SERINC4: variants seen among roughly 807,000 people sequenced by gnomAD.
SERINC4 encodes serine incorporator 4.
Under a neutral mutation model 52.0 loss-of-function variants are expected in SERINC4, and 52 were observed. The ratio of observed to expected loss-of-function variants is 1.00; its 90% CI spans 0.80 to 1.26. The LOEUF is 1.26. Among genes scored for constraint, SERINC4 ranks in the 50% most tolerant of loss-of-function variants. The pLI is 0.00. For synonymous variants in SERINC4, 264 were observed against 247.7 expected (o/e 1.07, Z -0.62); for missense variants, 723 against 632.8 (o/e 1.14, Z -1.53).
rs768555344 is a variant in SERINC4, at chr15:43,795,214, C to T, written c.1344-1G>A. The T allele has an allele frequency of 7.4e-6, 12 of 1,613,880 alleles. No homozygotes were observed. The highest frequency in any genetic ancestry group is 2.2e-5 in the East Asian group (1 of 44,900). ...CTTTTCCAGTTCTGCTCCCTCATAG[C>T]TGTGTAACCAAAGGCTCTGGTTAGA... is the stretch of plus-strand genomic sequence containing the variant. On this transcript the variant is annotated splice_acceptor_variant, in intron 11 of 11. Transcript: ENST00000319327. LOFTEE classifies it high-confidence loss of function.
rs1428908502 is a variant in SERINC4 at position 43,794,244 on chromosome 15, A to AAG, written c.*754_*755dup. On this transcript the variant is annotated 3_prime_UTR_variant, in exon 12 of 12. Transcript: ENST00000319327. ...CGGATATGCAGTAGAGGAATCCTCT[A>AAG]AGAACCATAGAGACTTCTTTTCTGT... is the stretch of plus-strand genomic sequence containing the variant. The AAG allele has an allele frequency of 2.4e-6, 1 of 420,084 alleles. No individual in the cohort carries two copies. Among genetic ancestry groups the AAG allele is most frequent in the African/African-American group, 2.0e-5 (1 of 49,584 alleles). 26.0% of individuals were successfully genotyped at this position (420,084 alleles called of 1,614,324 possible).
intron 6 of SERINC4, 92 bp downstream of exon 6, chr15:43,797,053 C>A (rs752807081): frequency 6.9e-7 from 1 of 1,457,940 alleles, no homozygotes; most frequent in African/African-American, 1.4e-5. Flanking sequence ...AGCAGAGATT[C>A]TTTTATCAAA....
At chr15:43,799,271 A>T in intron 2 of SERINC4, 39 bp downstream of exon 2, 1 of 1,536,776 alleles carries the variant, frequency 6.5e-7, no homozygotes. Context: ...TTTTCCTTTT[A>T]TCTCTTCCCA....
chr15:43,798,440 C>T lies in SERINC4; in HGVS notation c.523G>A (p.Glu175Lys). The T allele has an allele frequency of 1.9e-6, 3 of 1,612,962 alleles. No individual in the cohort carries two copies. The highest frequency in any genetic ancestry group is 2.5e-6 in the Non-Finnish European group (3 of 1,179,030). ...LCAIAFCIPD[E>K]HLFPAWHYIG... is the part of the protein sequence containing the mutation. ...GGGAGAGTACCTGGGAAGAGATGCTCATCAGGAATGCAGAAGGCAATAGCA... is the reference window on the plus strand; with the variant it reads ...GGGAGAGTACCTGGGAAGAGATGCTTATCAGGAATGCAGAAGGCAATAGCA... Residue 175 changes from glutamate to lysine, a missense_variant, in exon 4 of 12, where the codon GAG (glutamate) becomes AAG (lysine). Physicochemically the swap from Glu to Lys is moderately conservative, Grantham distance 56. Transcript: ENST00000319327.
intron 8 of SERINC4, 63 bp downstream of exon 8, chr15:43,796,553 G>C: frequency 6.4e-7 from 1 of 1,569,630 alleles, no homozygotes; most frequent in Non-Finnish European, 8.7e-7. Flanking sequence ...ACATTGTCCT[G>C]ACCATCCTTC....
At position 43,795,726 on chromosome 15, in the gene SERINC4, A is replaced by G. The variant is rs758439676; in HGVS notation, c.1151T>C (p.Leu384Pro). The change falls in exon 10 of 12, where the codon CTG (leucine) becomes CCG (proline). Residue 384 changes from leucine (L) to proline (P), a missense_variant. By Grantham distance (98) the Leu-to-Pro change is moderately conservative (BLOSUM62 -3). Transcript: ENST00000319327. ...CACTGTTTCAGGGCAGCAGAAACAC[A>G]GTGAGGGCTTCTGCAAAACAGAACG... ...VYSYEFQKPS[L>P]CFCCPETVEA... 1 of 1,613,958 alleles carries G rather than the reference A, an allele frequency of 6.2e-7. No individual in the cohort carries two copies. The highest frequency in any genetic ancestry group is 1.1e-5 in the South Asian group (1 of 91,060).
chr15:43,799,938 C>T lies in SERINC4; in HGVS notation c.49G>A (p.Ala17Thr). 6.5e-7 allele frequency: 1 copy of T among 1,549,540 alleles called. No homozygotes were observed. The highest frequency in any genetic ancestry group is 1.2e-5 in the South Asian group (1 of 83,906). Residue 17 changes from alanine (A) to threonine (T), a missense_variant, in exon 1 of 12, where the codon GCA becomes ACA. Physicochemically the swap from Ala to Thr is moderately conservative, Grantham distance 58. Transcript: ENST00000319327. Reference protein sequence around the residue: ...GPSPGTSLGLAQQHSGGSSVL... With the variant: ...GPSPGTSLGLTQQHSGGSSVL... The stretch of plus-strand genomic sequence containing the variant: ...CTGCTGCCTCCGCTGTGCTGCTGTG[C>T]CAGGCCCAGGGAGGTGCCGGGGCTG...
Position 43,796,956 on chromosome 15 carries a change from A to G in SERINC4, c.845-16T>C. 6.2e-7 allele frequency: 1 copy of G among 1,602,952 alleles called. No homozygotes were observed. The highest frequency in any genetic ancestry group is 8.5e-7 in the Non-Finnish European group (1 of 1,170,084). Reference sequence around the variant, plus strand: ...CGGGGTTGCTCTGGGGAGTAAGTATAATTGCTTTAGTCTACAGGCTGGTAA... The same window carrying G: ...CGGGGTTGCTCTGGGGAGTAAGTATGATTGCTTTAGTCTACAGGCTGGTAA... On this transcript the variant is annotated splice_polypyrimidine_tract_variant and intron_variant, in intron 6 of 11. Transcript: ENST00000319327.
chr15:43,794,869 A>G lies in SERINC4; in HGVS notation c.*131T>C, dbSNP rs537519374. 36 of 706,084 alleles carry G rather than the reference A, an allele frequency of 5.1e-5. No homozygotes were observed. The East Asian group carries it at 7.9e-4, about 16-fold the overall frequency. 43.7% of individuals were successfully genotyped at this position (706,084 alleles called of 1,614,324 possible). Reference sequence around the variant, plus strand: ...TGTGTTTGACCACTTCTTCCAGTTCATAGTATTGACTTCAGCCCAAACGGA... The same window carrying G: ...TGTGTTTGACCACTTCTTCCAGTTCGTAGTATTGACTTCAGCCCAAACGGA... On this transcript the variant is annotated 3_prime_UTR_variant, in exon 12 of 12. Transcript: ENST00000319327.
In SERINC4 at chr15:43,794,941, TCC is replaced by T; in HGVS notation, c.*57_*58del. ...GAGGTATTGAGCTGGGCTGGACAGC[TCC>T]CCTTGAGCCAACTCTAGGAGTACAA... is the stretch of plus-strand genomic sequence containing the variant. On this transcript the variant is annotated 3_prime_UTR_variant, in exon 12 of 12. Transcript: ENST00000319327. 1 of 1,384,102 alleles carries T rather than the reference TCC, an allele frequency of 7.2e-7. No homozygotes were observed. The highest frequency in any genetic ancestry group is 1.0e-6 in the Non-Finnish European group (1 of 1,001,562). The allele number at this position is 1,384,102 out of a possible 1,614,324, so 85.7% of individuals were successfully genotyped here.
In SERINC4 at chr15:43,798,366, C is replaced by G. The variant is rs1015909347; in HGVS notation, c.538+59G>C. On this transcript the variant is annotated intron_variant, in intron 4 of 11. Coordinates refer to ENST00000319327, the MANE Select transcript of SERINC4 (RefSeq NM_001258031.2). ...ACCCGGCCATTACTCCTCTTCTTACCCACTTGTTATCTTAGAAAACTTAGC... is the reference window on the plus strand; with the variant it reads ...ACCCGGCCATTACTCCTCTTCTTACGCACTTGTTATCTTAGAAAACTTAGC... 3 of 1,302,852 alleles carry G rather than the reference C, an allele frequency of 2.3e-6. No homozygotes were observed. The African/African-American group carries it at 4.4e-5, about 19-fold the overall frequency. 80.7% of individuals were successfully genotyped at this position (1,302,852 alleles called of 1,614,324 possible). A position where few individuals can be genotyped will look rare whatever the true frequency, so the allele number is the denominator to read the frequency against.
intron 2 of SERINC4, 81 bp from the exon 3 acceptor site, chr15:43,799,218 A>G: frequency 1.3e-6 from 2 of 1,506,838 alleles, no homozygotes; most frequent in Non-Finnish European, 9.0e-7. Context: ...ATGACCACTC[A>G]TTTGTCTCCT....
chr15:43,796,091 G>A, intron 9 of SERINC4, 64 bp downstream of exon 9: 1 of 1,183,402 alleles, frequency 8.5e-7, no homozygotes, highest in South Asian at 1.2e-5. Flanking sequence ...AGGTTGGTAG[G>A]ATGTGTGTGT....
intron 5 of SERINC4, 137 bp downstream of exon 5, chr15:43,797,783 C>T: frequency 3.1e-6 from 2 of 647,486 alleles, no homozygotes; most frequent in South Asian, 3.8e-5. Flanking sequence ...GCAGTCATCA[C>T]ATTCCTAAGC....
chr15:43,799,345 T>A lies in SERINC4; in HGVS notation c.244A>T (p.Thr82Ser), dbSNP rs1391451666. 1.9e-6 allele frequency: 3 copies of A among 1,550,984 alleles called. No individual in the cohort carries two copies. Among genetic ancestry groups the A allele is most frequent in the Admixed American group, 3.9e-5 (2 of 50,974 alleles). ...SAICCLLLSR[T>S]VVERVWGKTH... ...TTGCCCCACACCCTTTCCACTACTGTCCTTGACAGCAGGAGGCAGCAGATT... is the reference window on the plus strand; with the variant it reads ...TTGCCCCACACCCTTTCCACTACTGACCTTGACAGCAGGAGGCAGCAGATT... Residue 82 changes from threonine (T) to serine (S), a missense_variant, in exon 2 of 12, where the codon ACA (threonine) becomes TCA (serine). Thr to Ser is a moderately conservative substitution (Grantham distance 58). Transcript: ENST00000319327.
In SERINC4 at chr15:43,795,071, G is replaced by A. The variant is rs2087173339; in HGVS notation, c.1486C>T (p.Pro496Ser). Residue 496 changes from proline (P) to serine (S), a missense_variant, in exon 12 of 12, where the codon CCC becomes TCC. Transcript: ENST00000319327. Reference sequence around the variant, plus strand: ...CGGCGCCTCAAGATAAGGGGCTGGGGTTTCTGGGTGGGGGGCCAACAGAGT... The same window carrying A: ...CGGCGCCTCAAGATAAGGGGCTGGGATTTCTGGGTGGGGGGCCAACAGAGT... ...APLCWPPTQK[P>S]QPLILRRRRH... is the part of the protein sequence containing the mutation. 1.9e-6 allele frequency: 3 copies of A among 1,611,090 alleles called. No homozygotes were observed. The African/African-American group carries it at 4.0e-5, about 22-fold the overall frequency.
intron 2 of SERINC4, 52 bp downstream of exon 2, chr15:43,799,258 G>A: frequency 1.3e-6 from 2 of 1,529,110 alleles, no homozygotes; most frequent in Non-Finnish European, 1.8e-6. Flanking sequence ...TCTATCTTAG[G>A]GTTTTTCCTT....
intron 4 of SERINC4, 116 bp downstream of exon 4, chr15:43,798,309 A>G (rs1312564839): frequency 7.2e-6 from 6 of 834,716 alleles, no homozygotes; most frequent in Non-Finnish European, 1.2e-5. Context: ...TCAGCCTCCC[A>G]AAGTGCTGGG....
At position 43,797,273 on chromosome 15, in the gene SERINC4, C is replaced by T. The variant is rs1471048346; in HGVS notation, c.716G>A (p.Gly239Glu). 2 of 1,550,106 alleles carry T rather than the reference C, an allele frequency of 1.3e-6. No homozygotes were observed. The highest frequency in any genetic ancestry group is 1.7e-6 in the Non-Finnish European group (2 of 1,146,954). Residue 239 changes from glycine to glutamate, a missense_variant, in exon 6 of 12, where the codon GGA becomes GAA. Coordinates refer to ENST00000319327, the MANE Select transcript of SERINC4 (RefSeq NM_001258031.2). Reference protein sequence around the residue: ...TLGFYSMAGVGAVLLFHYYTH... With the variant: ...TLGFYSMAGVEAVLLFHYYTH... ...ATAATAGTGGAATAGGAGCACAGCT[C>T]CCACACCTGCCATGCTGTAGAATCC...
Sources: allele counts gnomAD v4.1 joint callset, GRCh38; gene constraint gnomAD v4.1.1; transcripts MANE v1.5; gene names NCBI Gene and HGNC (gene_info 2026-07-23, HGNC 2026-07-21).